AK5: variants seen among roughly 807,000 people sequenced by gnomAD.
The protein encoded by AK5 is adenylate kinase 5, also known as adenylate kinase isoenzyme 5.
A neutral mutation model predicts 69.5 loss-of-function variants in AK5; 27 were observed. The observed-to-expected ratio is 0.39, with a 90% CI of 0.29 to 0.54. AK5 has a LOEUF of 0.54. Ranked by LOEUF, AK5 falls within the 20% of genes least tolerant of loss-of-function variation. AK5 has a pLI of 0.71. For synonymous variants in AK5, 260 were observed against 244.4 expected, an observed-to-expected ratio of 1.06 and a Z score of -0.60; for missense variants, 531 against 700.4, an observed-to-expected ratio of 0.76 and a Z score of 2.73.
At chr1:77,391,233 C>T (rs1023362047) in intron 6 of AK5, among the ~76,000 whole-genome samples, 1 of 151,828 alleles carries the variant, frequency 6.6e-6, no homozygotes, top group Non-Finnish European at 1.5e-5. Context: ...GAGTCCTGCT[C>T]CCAGACAGCA....
At chr1:77,446,265 C>G (rs1400685357) in intron 8 of AK5, among the ~76,000 whole-genome samples, 2 of 152,220 alleles carry the variant, frequency 1.3e-5, no homozygotes, top group African/African-American at 2.4e-5. Flanking sequence ...TTTCTGGACT[C>G]TATTCTGTTC....
chr1:77,433,838 G>C (rs1651793501), intron 8 of AK5, among the ~76,000 whole-genome samples: 1 of 151,552 alleles, frequency 6.6e-6, no homozygotes, highest in Non-Finnish European at 1.5e-5. Flanking sequence ...GCTTGAGCTT[G>C]ATTATTAGTT....
At chr1:77,344,773 A>T (rs561308332) in intron 6 of AK5, among the ~76,000 whole-genome samples, 138 of 152,034 alleles carry the variant, frequency 9.1e-4, no homozygotes, top group African/African-American at 3.2e-3. Context: ...GTACATGAAT[A>T]AGTTCTTTAG....
At chr1:77,444,342 CACAATATATGTG>C (rs1652570362) in intron 8 of AK5, among the ~76,000 whole-genome samples, 2 of 52,794 alleles carry the variant, frequency 3.8e-5, no homozygotes, top group South Asian at 5.9e-4. Flanking sequence ...AGTATATATA[CACAATATATGTG>C]TATATATAGT....
chr1:77,300,943 G>T (rs1421144296), intron 5 of AK5, among the ~76,000 whole-genome samples: 1 of 152,054 alleles, frequency 6.6e-6, no homozygotes, highest in African/African-American at 2.4e-5. Context: ...CTTAGTTTTT[G>T]TTTGTTTGTT....
intron 5 of AK5, among the ~76,000 whole-genome samples, chr1:77,301,817 C>G (rs1260452800): frequency 6.6e-6 from 1 of 152,234 alleles, no homozygotes; most frequent in Non-Finnish European, 1.5e-5. Context: ...ACAGTACTCA[C>G]TGAACCACAG....
chr1:77,308,745 G>T (rs534230176), intron 5 of AK5, among the ~76,000 whole-genome samples: 1 of 152,140 alleles, frequency 6.6e-6, no homozygotes, highest in Non-Finnish European at 1.5e-5. Context: ...GCTCCATGAC[G>T]TTATTATTGA....
intron 10 of AK5, among the ~76,000 whole-genome samples, chr1:77,496,807 A>G (rs1557635604): frequency 6.6e-6 from 1 of 152,190 alleles, no homozygotes; most frequent in Non-Finnish European, 1.5e-5. Context: ...GCACTCTGTA[A>G]AAATGCACCA....
rs1008875925 is a variant in AK5 at position 77,521,474 on chromosome 1, T to A, written c.1312-353T>A. 2.0e-5 allele frequency among the ~76,000 whole-genome samples: 3 copies of A among 152,278 alleles called. No homozygotes were observed. The East Asian group carries it at 5.8e-4, about 29-fold the overall frequency. ...ATACCATGTTTTGTCTAGTTTTAAA[T>A]TGCCATTATGCCTAATTCATGGAGT... On this transcript the variant is annotated intron_variant, in intron 11 of 13. Coordinates refer to ENST00000354567, the MANE Select transcript of AK5 (RefSeq NM_174858.3).
intron 8 of AK5, among the ~76,000 whole-genome samples, chr1:77,461,028 G>A (rs923878976): frequency 6.8e-6 from 1 of 147,958 alleles, no homozygotes; most frequent in Non-Finnish European, 1.5e-5. Flanking sequence ...CAGCCTGTAT[G>A]TGAAATTTTT....
chr1:77,504,149 G>A (rs938816958), intron 10 of AK5, among the ~76,000 whole-genome samples: 2 of 151,958 alleles, frequency 1.3e-5, no homozygotes, highest in African/African-American at 4.8e-5. Flanking sequence ...ACTGCCTAGC[G>A]CATGTGGATT....
intron 6 of AK5, among the ~76,000 whole-genome samples, chr1:77,409,223 T>G (rs2100565766): frequency 6.6e-6 from 1 of 152,348 alleles, no homozygotes; most frequent in South Asian, 2.1e-4. Flanking sequence ...GCAATGAAGA[T>G]TCACGTGTAT....
At chr1:77,367,599 A>ATATATATATATGTT in intron 6 of AK5, among the ~76,000 whole-genome samples, 1 of 63,144 alleles carries the variant, frequency 1.6e-5, no homozygotes, top group East Asian at 4.3e-4. Flanking sequence ...TTATATATGT[A>ATATATATATATGTT]ATATATATGT....
At chr1:77,398,209 T>C (rs1014513822) in intron 6 of AK5, among the ~76,000 whole-genome samples, 2 of 151,926 alleles carry the variant, frequency 1.3e-5, no homozygotes, top group Admixed American at 6.6e-5. Context: ...TAAAAGAAAA[T>C]AGAATGAGCC....
At chr1:77,448,967 A>G (rs1231658622) in intron 8 of AK5, among the ~76,000 whole-genome samples, 2 of 152,200 alleles carry the variant, frequency 1.3e-5, no homozygotes, top group African/African-American at 2.4e-5. Flanking sequence ...CAGAGGATAT[A>G]TGGAAATGCC....
chr1:77,422,160 T>A (rs982701449), intron 8 of AK5, among the ~76,000 whole-genome samples: 1 of 152,132 alleles, frequency 6.6e-6, no homozygotes, highest in Non-Finnish European at 1.5e-5. Flanking sequence ...ATCAGTTTGA[T>A]CAAGAAGCTA....
intron 8 of AK5, among the ~76,000 whole-genome samples, chr1:77,447,481 T>C (rs897185432): frequency 1.3e-5 from 2 of 152,230 alleles, no homozygotes; most frequent in African/African-American, 4.8e-5. Flanking sequence ...TAGAATTATT[T>C]ATTTCAAAGC....
chr1:77,321,000 T>C (rs1168110991), intron 5 of AK5, among the ~76,000 whole-genome samples: 2 of 152,116 alleles, frequency 1.3e-5, no homozygotes, highest in Non-Finnish European at 2.9e-5. Context: ...TAATTGGAAA[T>C]GTTAACAATC....
At chr1:77,384,008 A>C (rs1406231872) in intron 6 of AK5, among the ~76,000 whole-genome samples, 1 of 152,142 alleles carries the variant, frequency 6.6e-6, no homozygotes, top group East Asian at 1.9e-4. Flanking sequence ...AGATATAATA[A>C]AACCACCATG....
Sources: allele counts gnomAD v4.1 joint callset (sites outside exome capture counted in the v4.1 genomes callset), GRCh38; gene constraint gnomAD v4.1.1; transcripts MANE v1.5; gene names NCBI Gene and HGNC (gene_info 2026-07-23, HGNC 2026-07-21).